ANO2: variants seen among roughly 807,000 people sequenced by gnomAD.
The protein encoded by ANO2 is anoctamin 2, also known as anoctamin-2.
ANO2 carries 101 observed loss-of-function variants against 124.2 expected under a neutral mutation model. The ratio of observed to expected loss-of-function variants is 0.81; its 90% CI spans 0.69 to 0.96. The LOEUF is 0.96. ANO2 is among the 40% of genes least tolerant of loss of function. ANO2 has a pLI of 0.00. For synonymous variants in ANO2, 486 were observed against 482.5 expected, an observed-to-expected ratio of 1.01 and a Z score of -0.09; for missense variants, 1,293 against 1,274.5, an observed-to-expected ratio of 1.01 and a Z score of -0.22.
intron 14 of ANO2, among the ~76,000 whole-genome samples, chr12:5,731,166 A>C (rs1950616926): frequency 6.6e-6 from 1 of 152,352 alleles, no homozygotes; most frequent in Non-Finnish European, 1.5e-5. Context: ...TGGAGAAAGA[A>C]GTTTGCACGG....
chr12:5,651,169 G>A (rs1946898072), intron 14 of ANO2, among the ~76,000 whole-genome samples: 1 of 152,234 alleles, frequency 6.6e-6, no homozygotes, highest in South Asian at 2.1e-4. Flanking sequence ...GAGCCTAGCT[G>A]TCCTCTGTGC....
intron 14 of ANO2, among the ~76,000 whole-genome samples, chr12:5,676,779 C>A (rs897309724): frequency 1.3e-5 from 2 of 152,112 alleles, no homozygotes; most frequent in Non-Finnish European, 2.9e-5. Flanking sequence ...ACAGGCTGGG[C>A]CCGGTGGCTC....
chr12:5,699,818 C>G (rs1052787030), intron 14 of ANO2, among the ~76,000 whole-genome samples: 1 of 152,038 alleles, frequency 6.6e-6, no homozygotes, highest in African/African-American at 2.4e-5. Context: ...GACTTTAAAC[C>G]AACAAAGATC....
chr12:5,568,136 CTTTTTTTTT>C (rs71445654), intron 23 of ANO2, among the ~76,000 whole-genome samples: 1 of 112,778 alleles, frequency 8.9e-6, no homozygotes, highest in Admixed American at 9.5e-5. Context: ...CCACCCTATG[CTTTTTTTTT>C]TTTTTTTTTT....
At chr12:5,839,178 C>T (rs978337234) in intron 4 of ANO2, among the ~76,000 whole-genome samples, 13 of 152,084 alleles carry the variant, frequency 8.5e-5, no homozygotes, top group African/African-American at 3.1e-4. Context: ...GAGGTGGAGC[C>T]CAAGAAACTC....
At chr12:5,681,969 T>G (rs1458787096) in intron 14 of ANO2, among the ~76,000 whole-genome samples, 1 of 152,114 alleles carries the variant, frequency 6.6e-6, no homozygotes, top group Non-Finnish European at 1.5e-5. Flanking sequence ...GGGAAAATCA[T>G]GGAAAAAAGA....
intron 14 of ANO2, among the ~76,000 whole-genome samples, chr12:5,724,031 C>T (rs1344062368): frequency 1.3e-5 from 2 of 152,058 alleles, no homozygotes; most frequent in African/African-American, 4.8e-5. Context: ...CTCATGCAGG[C>T]GTACAGGAGA....
intron 10 of ANO2, among the ~76,000 whole-genome samples, chr12:5,789,666 C>T (rs1031884088): frequency 2.0e-5 from 3 of 152,180 alleles, no homozygotes; most frequent in Admixed American, 1.3e-4. Context: ...CAGCAGTCTC[C>T]CAGGCAGGGA....
intron 13 of ANO2, chr12:5,733,089 GCAA>G: frequency 1.6e-6 from 1 of 617,620 alleles, no homozygotes; most frequent in Non-Finnish European, 2.9e-6. Context: ...GGGAGTGAGG[GCAA>G]CAACAAAACT....
intron 17 of ANO2, among the ~76,000 whole-genome samples, chr12:5,614,398 T>C (rs1944693500): frequency 6.6e-6 from 1 of 152,178 alleles, no homozygotes; most frequent in African/African-American, 2.4e-5. Context: ...CTGAGTCATG[T>C]GATACTAGCC....
rs1940128283 is a variant in ANO2 at position 5,900,624 on chromosome 12, A to G, written c.534+20416T>C. On this transcript the variant is annotated intron_variant, in intron 3 of 24. Transcript: ENST00000682330. This position sits in a 1 kb window ranked among gnomAD's most constrained non-coding sequence, Gnocchi z 4.2. ...TCCCTTTAAAAAAAAAACATGGGGG[A>G]GCATTTGCTCTACCTCCGCATTTAA... is the stretch of plus-strand genomic sequence containing the variant. 4.0e-5 allele frequency among the ~76,000 whole-genome samples: 6 copies of G among 149,482 alleles called. No homozygotes were observed. The South Asian group carries it at 1.3e-3, about 31-fold the overall frequency.
At chr12:5,826,928 C>T (rs1294311217) in intron 7 of ANO2, among the ~76,000 whole-genome samples, 1 of 152,178 alleles carries the variant, frequency 6.6e-6, no homozygotes, top group Non-Finnish European at 1.5e-5. Context: ...AAAGATTTGC[C>T]ATCCCAGAGC....
intron 7 of ANO2, among the ~76,000 whole-genome samples, chr12:5,807,693 C>T (rs1591639790): frequency 6.6e-6 from 1 of 152,128 alleles, no homozygotes; most frequent in Non-Finnish European, 1.5e-5. Flanking sequence ...GCTCCATGAC[C>T]GCATAGGAAT....
chr12:5,647,445 C>T (rs962540747), intron 15 of ANO2, among the ~76,000 whole-genome samples: 6 of 152,330 alleles, frequency 3.9e-5, no homozygotes, highest in Admixed American at 1.3e-4. Flanking sequence ...CCCAAACAGG[C>T]TGCTGCAATT....
intron 14 of ANO2, among the ~76,000 whole-genome samples, chr12:5,668,727 G>T (rs1420138065): frequency 2.0e-5 from 3 of 152,184 alleles, no homozygotes; most frequent in Non-Finnish European, 4.4e-5. Flanking sequence ...TTGGTATAAG[G>T]TGTAAGAAAG....
Position 5,635,601 on chromosome 12 carries a change from A to ACACT in ANO2, c.1621-255_1621-254insAGTG, listed in dbSNP as rs1299472346. 4.1e-5 allele frequency among the ~76,000 whole-genome samples: 6 copies of ACACT among 146,856 alleles called. No homozygotes were observed. Among genetic ancestry groups the ACACT allele is most frequent in the Admixed American group, 4.0e-4 (6 of 14,826 alleles). ...TTTGTCAGATTCCAAATGATTTATC[A>ACACT]CACACACACACACACACACACACAC... On this transcript the variant is annotated intron_variant, in intron 15 of 24. Coordinates refer to ENST00000682330, the MANE Select transcript of ANO2 (RefSeq NM_001364791.2). This position sits in a 1 kb window ranked among gnomAD's most constrained non-coding sequence, Gnocchi z 5.2.
At chr12:5,905,977 T>G (rs1419596743) in intron 3 of ANO2, among the ~76,000 whole-genome samples, 1 of 152,154 alleles carries the variant, frequency 6.6e-6, no homozygotes, top group Non-Finnish European at 1.5e-5. Flanking sequence ...TTCGGGCGTC[T>G]CCTCAGGGTG....
At chr12:5,709,876 C>T (rs912037831) in intron 14 of ANO2, among the ~76,000 whole-genome samples, 20 of 152,160 alleles carry the variant, frequency 1.3e-4, no homozygotes, top group African/African-American at 4.6e-4. Flanking sequence ...CGGATAGGCG[C>T]TGGGAGATGG....
chr12:5,903,481 T>A (rs562490285), intron 3 of ANO2, among the ~76,000 whole-genome samples: 4 of 152,242 alleles, frequency 2.6e-5, no homozygotes, highest in African/African-American at 7.2e-5. Context: ...TGAAGTATCA[T>A]ATAATTTCCC....
Sources: gnomAD v4.1 joint callset for allele counts (sites outside exome capture counted in the v4.1 genomes callset) on GRCh38, gnomAD v4.1.1 for gene constraint, Gnocchi (gnomAD v3.1) non-coding constraint, MANE v1.5 for transcripts, NCBI Gene and HGNC (gene_info 2026-07-23, HGNC 2026-07-21) for gene names.